PHF20: variants seen among roughly 807,000 people sequenced by gnomAD.
The protein encoded by PHF20 is PHD finger protein 20.
Under a neutral mutation model 113.5 loss-of-function variants are expected in PHF20, and 23 were observed. The observed-to-expected ratio is 0.20, with a 90% confidence interval of 0.15 to 0.29. PHF20 has a LOEUF of 0.29. PHF20 is among the 10% of genes least tolerant of loss of function. The pLI is 1.00. For missense variants in PHF20, 943 were observed against 1,219.6 expected (o/e 0.77, Z 3.38); for synonymous variants, 434 against 457.3 (o/e 0.95, Z 0.65).
intron 9 of PHF20, chr20:35,878,748 T>C: frequency 2.7e-6 from 2 of 737,602 alleles, no homozygotes; most frequent in South Asian, 1.5e-5. Flanking sequence ...AGAGACGCTG[T>C]CTTGCTCTTG....
At chr20:35,916,260 C>T (rs913496686) in intron 12 of PHF20, among the ~76,000 whole-genome samples, 1 of 152,248 alleles carries the variant, frequency 6.6e-6, no homozygotes, top group Non-Finnish European at 1.5e-5. Context: ...TGCTGCCACA[C>T]ACCTTCAATT....
intron 13 of PHF20, among the ~76,000 whole-genome samples, chr20:35,922,131 C>T (rs1251836792): frequency 1.3e-5 from 2 of 152,172 alleles, no homozygotes; most frequent in African/African-American, 4.8e-5. Context: ...TCCCAGGCTC[C>T]ACAAGACCTT....
chr20:35,826,335 C>A (rs1051993708), intron 2 of PHF20, among the ~76,000 whole-genome samples: 1 of 152,194 alleles, frequency 6.6e-6, no homozygotes, highest in Non-Finnish European at 1.5e-5. Flanking sequence ...TGAGCCACTG[C>A]ACCTGGCCTA....
At chr20:35,862,963 G>T in intron 5 of PHF20, 50 bp from the exon 6 acceptor site, 2 of 1,500,108 alleles carry the variant, frequency 1.3e-6, no homozygotes, top group South Asian at 2.8e-5. Context: ...TCCTAATTTT[G>T]TATTTGCAAG....
chr20:35,905,430 A>G (rs2055185399), intron 10 of PHF20, among the ~76,000 whole-genome samples: 1 of 152,132 alleles, frequency 6.6e-6, no homozygotes, highest in African/African-American at 2.4e-5. Context: ...TTAAGTTTAA[A>G]TGATGTCATG....
chr20:35,857,587 G>GTT (rs1319742171), intron 4 of PHF20, among the ~76,000 whole-genome samples: 1 of 56,464 alleles, frequency 1.8e-5, no homozygotes, highest in Non-Finnish European at 3.5e-5. Flanking sequence ...TTTTTTTTTT[G>GTT]TTTTTTTTTT....
intron 4 of PHF20, chr20:35,856,594 G>A (rs1180577559): frequency 4.6e-5 from 7 of 152,264 alleles, no homozygotes; most frequent in Non-Finnish European, 1.5e-5. Context: ...CTGCTTTTGA[G>A]TTGTGATCTG....
intron 2 of PHF20, among the ~76,000 whole-genome samples, chr20:35,815,215 A>G (rs532368187): frequency 5.3e-5 from 8 of 152,096 alleles, no homozygotes; most frequent in Non-Finnish European, 7.3e-5. Context: ...TTATAAATAA[A>G]TAAGTAAATA....
intron 10 of PHF20, among the ~76,000 whole-genome samples, chr20:35,912,843 C>G (rs1360901880): frequency 6.6e-6 from 1 of 152,058 alleles, no homozygotes. Context: ...AAATCAGATC[C>G]CCAGGTGATT....
chr20:35,797,468 C>T (rs540643005), intron 1 of PHF20, among the ~76,000 whole-genome samples: 11 of 146,402 alleles, frequency 7.5e-5, no homozygotes, highest in Non-Finnish European at 1.3e-4. Flanking sequence ...GAGCTGAGAT[C>T]GTGCCACTGC....
intron 17 of PHF20, among the ~76,000 whole-genome samples, chr20:35,946,686 T>A (rs201800046): frequency 0.019 from 1,860 of 99,448 alleles, 23 homozygotes; most frequent in African/African-American, 0.064. Context: ...ATTTTATTTA[T>A]TTTATTTTAT....
At position 35,794,996 on chromosome 20, in the gene PHF20, A is replaced by C. The variant is rs372637871; in HGVS notation, c.-32-6495A>C. On this transcript the variant is annotated intron_variant, in intron 1 of 17. Transcript: ENST00000374012. ...CACCTGAGGTCATGAGTTTGAGACC[A>C]GCCTGGCCAACATGGCAATACCCTG... is the stretch of plus-strand genomic sequence containing the variant. 2.0e-5 allele frequency among the ~76,000 whole-genome samples: 3 copies of C among 152,094 alleles called. No individual in the cohort carries two copies. The East Asian group carries it at 5.8e-4, about 29-fold the overall frequency.
At chr20:35,840,070 G>C (rs1261458041) in intron 2 of PHF20, among the ~76,000 whole-genome samples, 1 of 152,150 alleles carries the variant, frequency 6.6e-6, no homozygotes, top group Non-Finnish European at 1.5e-5. Flanking sequence ...CATTTAGGTA[G>C]GTAGCATGTG....
At chr20:35,783,507 C>T (rs558000843) in intron 1 of PHF20, among the ~76,000 whole-genome samples, 4 of 152,074 alleles carry the variant, frequency 2.6e-5, no homozygotes, top group Non-Finnish European at 5.9e-5. Flanking sequence ...GCTTCAACCT[C>T]CTGGGTTCAA....
chr20:35,926,411 T>G (rs571141411), intron 13 of PHF20, among the ~76,000 whole-genome samples: 2 of 151,776 alleles, frequency 1.3e-5, no homozygotes, highest in African/African-American at 4.8e-5. Flanking sequence ...CTAATTTTTT[T>G]TGTATTTTTA....
chr20:35,863,772 A>AT (rs1325970960), intron 6 of PHF20, among the ~76,000 whole-genome samples: 1 of 152,222 alleles, frequency 6.6e-6, no homozygotes, highest in Non-Finnish European at 1.5e-5. Flanking sequence ...TGAGACAGAC[A>AT]TGAAAGAAAA....
chr20:35,847,253 A>G, intron 3 of PHF20, 97 bp from the exon 4 acceptor site: 1 of 745,106 alleles, frequency 1.3e-6, no homozygotes, highest in African/African-American at 1.8e-5. Flanking sequence ...ACACTTTCTT[A>G]TCAATCCCAG....
At chr20:35,795,171 A>G (rs1376895292) in intron 1 of PHF20, among the ~76,000 whole-genome samples, 1 of 150,034 alleles carries the variant, frequency 6.7e-6, no homozygotes. Flanking sequence ...TAGCCTGGGG[A>G]CAGAGCGAGA....
chr20:35,840,743 A>C (rs1049108684), intron 2 of PHF20, among the ~76,000 whole-genome samples: 1 of 152,198 alleles, frequency 6.6e-6, no homozygotes, highest in Non-Finnish European at 1.5e-5. Context: ...TCATTTCAAC[A>C]GGATACCTTG....
Sources: allele counts gnomAD v4.1 joint callset (sites outside exome capture counted in the v4.1 genomes callset), GRCh38; gene constraint gnomAD v4.1.1; transcripts MANE v1.5; gene names NCBI Gene and HGNC (gene_info 2026-07-23, HGNC 2026-07-21).